RAB38: variants seen among roughly 807,000 people sequenced by gnomAD.
RAB38 encodes ras-related protein Rab-38.
RAB38 carries 15 observed loss-of-function variants against 18.4 expected under a neutral mutation model. The ratio of observed to expected loss-of-function variants is 0.82; its 90% confidence interval spans 0.55 to 1.26. The LOEUF is 1.26. Ranked by LOEUF, RAB38 falls within the 50% of genes most tolerant of loss-of-function variation. The pLI, the probability that RAB38 is intolerant of heterozygous loss-of-function variation, is 0.00. For synonymous variants in RAB38, 101 were observed against 104.4 expected (o/e 0.97, Z 0.20); for missense variants, 294 against 267.4 (o/e 1.10, Z -0.69).
the RAB38 span, among the ~76,000 whole-genome samples, chr11:88,034,811 C>G: frequency 6.6e-6 from 1 of 152,146 alleles, no homozygotes; most frequent in African/African-American, 2.4e-5. Flanking sequence ...TATGAACATT[C>G]TTATTCATGT....
At chr11:87,817,990 G>A in the RAB38 span, among the ~76,000 whole-genome samples, 7 of 152,154 alleles carry the variant, frequency 4.6e-5, no homozygotes, top group Non-Finnish European at 8.8e-5. Flanking sequence ...GGTTCTAAAA[G>A]CATCCCTTGG....
At chr11:88,032,773 TTGG>T in the RAB38 span, among the ~76,000 whole-genome samples, 1 of 152,208 alleles carries the variant, frequency 6.6e-6, no homozygotes, top group East Asian at 1.9e-4. Context: ...TTTTACACTG[TTGG>T]TGGGACTGTA....
the RAB38 span, among the ~76,000 whole-genome samples, chr11:87,976,697 TA>T: frequency 1.1e-4 from 7 of 61,540 alleles, no homozygotes; most frequent in Admixed American, 4.4e-4. Flanking sequence ...ATTTACAATA[TA>T]TTTTTACATA....
chr11:88,168,138 G>A (rs1943266544), intron 1 of RAB38, among the ~76,000 whole-genome samples: 1 of 152,140 alleles, frequency 6.6e-6, no homozygotes, highest in Non-Finnish European at 1.5e-5. Flanking sequence ...TGTACCAGGT[G>A]TCATGTTCTA....
chr11:88,106,073 A>G, the RAB38 span, among the ~76,000 whole-genome samples: 2 of 152,118 alleles, frequency 1.3e-5, no homozygotes, highest in Non-Finnish European at 2.9e-5. Context: ...CCTCAACTGT[A>G]TCTTTTGCCT....
chr11:88,069,862 C>T, the RAB38 span, among the ~76,000 whole-genome samples: 6 of 149,062 alleles, frequency 4.0e-5, no homozygotes, highest in African/African-American at 1.5e-4. Context: ...GAACTTATAC[C>T]TCTAGCTAGA....
chr11:88,120,517 C>T (rs1372505824), intron 2 of RAB38, among the ~76,000 whole-genome samples: 1 of 152,118 alleles, frequency 6.6e-6, no homozygotes, highest in Non-Finnish European at 1.5e-5. Context: ...TGAAAGTTAC[C>T]AGAGTTTGGT....
intron 2 of RAB38, among the ~76,000 whole-genome samples, chr11:88,117,364 G>A (rs993588822): frequency 6.6e-6 from 1 of 152,096 alleles, no homozygotes; most frequent in Admixed American, 6.6e-5. Flanking sequence ...GTAGAGCCTT[G>A]AATACTAAAT....
chr11:87,813,947 T>C, the RAB38 span, among the ~76,000 whole-genome samples: 1 of 152,242 alleles, frequency 6.6e-6, no homozygotes, highest in African/African-American at 2.4e-5. Flanking sequence ...GCATGCTTGG[T>C]ACTTGCTCCT....
chr11:87,874,515 G>T, the RAB38 span, among the ~76,000 whole-genome samples: 1 of 151,406 alleles, frequency 6.6e-6, no homozygotes, highest in Non-Finnish European at 1.5e-5. Context: ...CGGGGGAGAG[G>T]GGAGGGATAG....
chr11:87,922,898 G>A, the RAB38 span, among the ~76,000 whole-genome samples: 3 of 150,988 alleles, frequency 2.0e-5, no homozygotes, highest in East Asian at 5.9e-4. Context: ...ATGGAAGGGG[G>A]AAGGGAGGAA....
the RAB38 span, among the ~76,000 whole-genome samples, chr11:87,934,895 G>A: frequency 1.8e-4 from 27 of 152,074 alleles, no homozygotes; most frequent in Non-Finnish European, 3.2e-4. Context: ...ATGGGGCAGC[G>A]ATGAGATGGG....
chr11:87,865,012 T>G, the RAB38 span, among the ~76,000 whole-genome samples: 2 of 151,760 alleles, frequency 1.3e-5, no homozygotes, highest in Non-Finnish European at 2.9e-5. Context: ...GCGATTTGTT[T>G]GACAAAATGA....
the RAB38 span, among the ~76,000 whole-genome samples, chr11:87,820,552 C>T: frequency 6.6e-6 from 1 of 152,082 alleles, no homozygotes; most frequent in Non-Finnish European, 1.5e-5. Flanking sequence ...CAACATTTGG[C>T]AAATCAAAGG....
intron 2 of RAB38, among the ~76,000 whole-genome samples, chr11:88,131,742 T>C (rs1942769879): frequency 6.6e-6 from 1 of 152,200 alleles, no homozygotes; most frequent in Non-Finnish European, 1.5e-5. Context: ...GTTCCCAAGA[T>C]GTCCACCCCC....
the RAB38 span, among the ~76,000 whole-genome samples, chr11:88,018,232 C>T: frequency 6.6e-6 from 1 of 152,118 alleles, no homozygotes; most frequent in African/African-American, 2.4e-5. Flanking sequence ...CCAGTCTGTA[C>T]CCGTATACAC....
At chr11:87,896,396 T>C in the RAB38 span, among the ~76,000 whole-genome samples, 1 of 151,610 alleles carries the variant, frequency 6.6e-6, no homozygotes, top group African/African-American at 2.4e-5. Context: ...GGAGGGACCA[T>C]GCTTGCTGGA....
the RAB38 span, among the ~76,000 whole-genome samples, chr11:88,011,076 G>A: frequency 1.3e-5 from 2 of 152,146 alleles, no homozygotes; most frequent in Non-Finnish European, 2.9e-5. Flanking sequence ...TAGTCTGAGA[G>A]GCTATTCCAG....
At chr11:87,896,722 G>A in the RAB38 span, among the ~76,000 whole-genome samples, 1 of 151,602 alleles carries the variant, frequency 6.6e-6, no homozygotes, top group Non-Finnish European at 1.5e-5. Flanking sequence ...TGCTTGTTGT[G>A]CAAGTTACTA....
Sources: allele counts gnomAD v4.1 joint callset (sites outside exome capture counted in the v4.1 genomes callset), GRCh38; gene constraint gnomAD v4.1.1; transcripts MANE v1.5; gene names NCBI Gene and HGNC (gene_info 2026-07-23, HGNC 2026-07-21).